Variants in NEGR1 observed in about 807,000 individuals in gnomAD.
The protein encoded by NEGR1 is neuronal growth regulator 1.
A neutral mutation model predicts 40.9 loss-of-function variants in NEGR1; 10 were observed. The observed-to-expected ratio is 0.24, with a 90% CI of 0.15 to 0.42. The LOEUF (loss-of-function observed/expected upper bound fraction) is 0.42. NEGR1 is among the 10% of genes least tolerant of loss of function. The pLI is 1.00. For synonymous variants in NEGR1, 185 were observed against 166.8 expected (o/e 1.11, Z -0.84); for missense variants, 352 against 438.9 (o/e 0.80, Z 1.77).
intron 1 of NEGR1, among the ~76,000 whole-genome samples, chr1:72,104,581 A>T (rs1235016101): frequency 6.6e-6 from 1 of 152,136 alleles, no homozygotes; most frequent in Non-Finnish European, 1.5e-5. Flanking sequence ...CTTTAAGATA[A>T]TAACTAGTTT....
At chr1:71,479,015 G>A (rs947580724) in intron 6 of NEGR1, among the ~76,000 whole-genome samples, 5 of 151,998 alleles carry the variant, frequency 3.3e-5, no homozygotes, top group Non-Finnish European at 5.9e-5. Context: ...ACACTTAAGT[G>A]TATAGTTATT....
At chr1:72,278,332 T>C (rs1199268488) in intron 1 of NEGR1, among the ~76,000 whole-genome samples, 1 of 152,024 alleles carries the variant, frequency 6.6e-6, no homozygotes, top group African/African-American at 2.4e-5. Context: ...GCTAAAAAAG[T>C]ACAAACTTCA....
intron 4 of NEGR1, among the ~76,000 whole-genome samples, chr1:71,676,376 T>C (rs961984152): frequency 5.6e-5 from 3 of 53,960 alleles, no homozygotes; most frequent in African/African-American, 1.9e-4. Flanking sequence ...AAAAATGATC[T>C]TGTGGCCTCA....
chr1:71,449,861 C>A (rs1047438464), intron 6 of NEGR1, among the ~76,000 whole-genome samples: 1 of 151,946 alleles, frequency 6.6e-6, no homozygotes, highest in African/African-American at 2.4e-5. Context: ...TCTTGTAAGG[C>A]TGGATTTTTA....
rs1312085813 is a variant in NEGR1 at position 71,396,990 on chromosome 1, T to G, written c.*10456A>C. On this transcript the variant is annotated 3_prime_UTR_variant, in exon 7 of 7. Coordinates refer to ENST00000357731, the MANE Select transcript of NEGR1 (RefSeq NM_173808.3). ...GTAACAGGCAGGGGTTGGAATAGTT[T>G]GGAGGGCTCAGAAGAAGACAGGAAA... 1.9e-5 allele frequency: 3 copies of G among 153,986 alleles called. No homozygotes were observed. The highest frequency in any genetic ancestry group is 1.9e-4 in the East Asian group (1 of 5,280). The allele number at this position is 153,986 out of a possible 1,614,324, so 9.5% of individuals were successfully genotyped here.
At chr1:71,903,789 C>A (rs935389623) in intron 2 of NEGR1, among the ~76,000 whole-genome samples, 1 of 151,498 alleles carries the variant, frequency 6.6e-6, no homozygotes, top group Non-Finnish European at 1.5e-5. Flanking sequence ...ATATCTATAT[C>A]ATCTTCCTTA....
chr1:71,800,010 C>A (rs1228698760), intron 2 of NEGR1, among the ~76,000 whole-genome samples: 1 of 152,104 alleles, frequency 6.6e-6, no homozygotes, highest in Non-Finnish European at 1.5e-5. Context: ...CTGCACCCGG[C>A]TGTTTCCTGA....
At chr1:71,655,737 C>T (rs1167681161) in intron 4 of NEGR1, among the ~76,000 whole-genome samples, 3 of 152,106 alleles carry the variant, frequency 2.0e-5, no homozygotes, top group Admixed American at 2.0e-4. Context: ...TCTATAGGTA[C>T]TCAGAATCAC....
rs549698275 is a variant in NEGR1, at chr1:71,574,722, G to A, written c.940+18095C>T. 2.4e-3 allele frequency among the ~76,000 whole-genome samples: 372 copies of A among 152,222 alleles called. 4 individuals are homozygous for A. Among genetic ancestry groups the A allele is most frequent in the African/African-American group, 8.3e-3 (345 of 41,536 alleles). On this transcript the variant is annotated intron_variant, in intron 6 of 6. Transcript: ENST00000357731. ...AAATTTATGTTCTATTTTAGCCCAAGGGACTTGGGAACCTCTTAGAAGCCT... is the reference window on the plus strand; with the variant it reads ...AAATTTATGTTCTATTTTAGCCCAAAGGACTTGGGAACCTCTTAGAAGCCT...
rs762927832 is a variant in NEGR1 at position 71,928,049 on chromosome 1, C to CACACGT, written c.409+7029_409+7030insACGTGT. Among the ~76,000 whole-genome samples the CACACGT allele has an allele frequency of 6.5e-4, 56 of 86,200 alleles. 1 individual carries two copies. The highest frequency in any genetic ancestry group is 2.7e-3 in the African/African-American group (54 of 20,372). 56.6% of individuals were successfully genotyped at this position (86,200 alleles called of 152,430 possible). A position where few individuals can be genotyped will look rare whatever the true frequency, so the allele number is the denominator to read the frequency against. On this transcript the variant is annotated intron_variant, in intron 2 of 6. Coordinates refer to ENST00000357731, the MANE Select transcript of NEGR1 (RefSeq NM_173808.3). ...AAATACACACACACACACACACACA[C>CACACGT]GTATATATATACACACACACATATG...
intron 2 of NEGR1, among the ~76,000 whole-genome samples, chr1:71,901,844 T>C (rs967386467): frequency 1.3e-5 from 2 of 151,948 alleles, no homozygotes; most frequent in African/African-American, 4.8e-5. Context: ...CTAATTTTTG[T>C]ATTTTTAGTA....
At chr1:71,998,395 T>C (rs1017363325) in intron 1 of NEGR1, among the ~76,000 whole-genome samples, 4 of 151,946 alleles carry the variant, frequency 2.6e-5, no homozygotes, top group Non-Finnish European at 5.9e-5. Context: ...TATATACTGC[T>C]CACAAAATAA....
At chr1:71,881,006 G>GTATA (rs1452820742) in intron 2 of NEGR1, among the ~76,000 whole-genome samples, 1 of 152,012 alleles carries the variant, frequency 6.6e-6, no homozygotes, top group African/African-American at 2.4e-5. Context: ...GATGGGTGGT[G>GTATA]TATATGCTTT....
At chr1:71,716,251 G>A (rs1654272594) in intron 3 of NEGR1, among the ~76,000 whole-genome samples, 1 of 152,058 alleles carries the variant, frequency 6.6e-6, no homozygotes. Context: ...TCTCCAACTG[G>A]TCTCGCCCTT....
intron 3 of NEGR1, among the ~76,000 whole-genome samples, chr1:71,720,181 C>T (rs867544168): frequency 4.6e-5 from 7 of 152,166 alleles, no homozygotes; most frequent in Non-Finnish European, 1.0e-4. Context: ...GCGTTATCAA[C>T]ACTTTCCATT....
chr1:72,085,958 G>A (rs1648203234), intron 1 of NEGR1, among the ~76,000 whole-genome samples: 1 of 105,396 alleles, frequency 9.5e-6, no homozygotes, highest in Non-Finnish European at 1.8e-5. Context: ...GACAGAGTGA[G>A]ACTCTGTCTC....
chr1:71,752,708 T>A (rs1281313082), intron 3 of NEGR1, among the ~76,000 whole-genome samples: 1 of 149,540 alleles, frequency 6.7e-6, no homozygotes, highest in African/African-American at 2.6e-5. Context: ...TACTATGGAA[T>A]CAATCATTCA....
At chr1:72,166,214 C>T (rs1213437127) in intron 1 of NEGR1, among the ~76,000 whole-genome samples, 3 of 151,800 alleles carry the variant, frequency 2.0e-5, no homozygotes, top group South Asian at 4.2e-4. Flanking sequence ...CTTTTACTGC[C>T]AAGTTTCAGG....
intron 6 of NEGR1, among the ~76,000 whole-genome samples, chr1:71,499,320 T>C (rs746751985): frequency 3.2e-4 from 49 of 151,744 alleles, no homozygotes; most frequent in South Asian, 4.1e-4. Flanking sequence ...TTGTGACTTA[T>C]AGATCTTGGC....
Sources: allele counts gnomAD v4.1 joint callset (sites outside exome capture counted in the v4.1 genomes callset), GRCh38; gene constraint gnomAD v4.1.1; transcripts MANE v1.5; gene names NCBI Gene and HGNC (gene_info 2026-07-23, HGNC 2026-07-21).